MRPS27: variants seen among roughly 807,000 people sequenced by gnomAD.
MRPS27 encodes the protein mitochondrial ribosomal protein S27, also known as small ribosomal subunit protein mS27.
A neutral mutation model predicts 48.9 loss-of-function variants in MRPS27; 43 were observed. The ratio of observed to expected loss-of-function variants is 0.88; its 90% CI spans 0.69 to 1.13. The LOEUF (loss-of-function observed/expected upper bound fraction) is 1.13, where lower values mean the gene tolerates loss of function less well. Ranked by LOEUF, MRPS27 falls within the 50% of genes most tolerant of loss-of-function variation. The pLI, the probability that MRPS27 is intolerant of heterozygous loss-of-function variation, is 0.00. For missense variants in MRPS27, 467 were observed against 476.3 expected (o/e 0.98, Z 0.18); for synonymous variants, 188 against 171.9 (o/e 1.09, Z -0.73).
At chr5:72,293,932 C>T (rs996271404) in intron 4 of MRPS27, among the ~76,000 whole-genome samples, 8 of 152,128 alleles carry the variant, frequency 5.3e-5, no homozygotes, top group African/African-American at 1.7e-4. Flanking sequence ...GCCCTACAGT[C>T]CCAAAGAGCC....
At chr5:72,229,797 G>C (rs1358687583) in intron 7 of MRPS27, among the ~76,000 whole-genome samples, 1 of 152,162 alleles carries the variant, frequency 6.6e-6, no homozygotes, top group African/African-American at 2.4e-5. Context: ...TCATTGTCTG[G>C]GGCTGCTGGA....
chr5:72,278,580 A>G (rs1749445970), intron 4 of MRPS27, among the ~76,000 whole-genome samples: 1 of 152,038 alleles, frequency 6.6e-6, no homozygotes, highest in South Asian at 2.1e-4. Flanking sequence ...CTGCTTCTTC[A>G]TAGGTAGATA....
intron 4 of MRPS27, among the ~76,000 whole-genome samples, chr5:72,283,332 G>A (rs12189320): frequency 2.7e-3 from 408 of 152,164 alleles, no homozygotes; most frequent in Non-Finnish European, 3.6e-3. Flanking sequence ...ACACTGTTAG[G>A]AGGTTTCAAA....
intron 3 of MRPS27, among the ~76,000 whole-genome samples, chr5:72,296,819 TAA>T (rs57084920): frequency 0.063 from 9,629 of 152,264 alleles, 547 homozygotes; most frequent in African/African-American, 0.15. Context: ...TTAATTTCTG[TAA>T]AAAGTTTTCA....
chr5:72,257,346 C>T (rs532265424), intron 4 of MRPS27, among the ~76,000 whole-genome samples: 2 of 152,264 alleles, frequency 1.3e-5, no homozygotes, highest in South Asian at 4.2e-4. Flanking sequence ...ACCACAAGTG[C>T]TCAGATTATT....
At chr5:72,271,035 A>G (rs997451921) in intron 4 of MRPS27, among the ~76,000 whole-genome samples, 1 of 152,190 alleles carries the variant, frequency 6.6e-6, no homozygotes, top group African/African-American at 2.4e-5. Flanking sequence ...TAACATCGTT[A>G]ATGGTGAAAT....
intron 1 of MRPS27, among the ~76,000 whole-genome samples, chr5:72,318,838 C>T (rs1750645145): frequency 6.7e-6 from 1 of 149,958 alleles, no homozygotes; most frequent in Admixed American, 6.6e-5. Flanking sequence ...AGACAGGTCT[C>T]CCAAAATGCC....
intron 10 of MRPS27, among the ~76,000 whole-genome samples, chr5:72,222,947 C>T (rs556010477): frequency 1.2e-4 from 18 of 152,328 alleles, no homozygotes; most frequent in Admixed American, 3.9e-4. Flanking sequence ...CAAAATGACA[C>T]AAGTTACACA....
At chr5:72,303,333 T>C (rs1750172091) in intron 2 of MRPS27, among the ~76,000 whole-genome samples, 1 of 152,090 alleles carries the variant, frequency 6.6e-6, no homozygotes, top group African/African-American at 2.4e-5. Context: ...ATGAATAAGT[T>C]AAAAAGCAGG....
chr5:72,289,670 G>C (rs1749768348), intron 4 of MRPS27, among the ~76,000 whole-genome samples: 1 of 152,022 alleles, frequency 6.6e-6, no homozygotes, highest in South Asian at 2.1e-4. Context: ...CAATCCGTCT[G>C]CCCCAAGTGC....
intron 4 of MRPS27, among the ~76,000 whole-genome samples, chr5:72,255,029 C>CTTTTT (rs70999273): frequency 0.012 from 830 of 72,134 alleles, 3 homozygotes; most frequent in Non-Finnish European, 0.019. Flanking sequence ...CATTTCTTTT[C>CTTTTT]TTTTTTTTTT....
chr5:72,295,786 T>A (rs531360489), intron 3 of MRPS27, among the ~76,000 whole-genome samples, 197 bp from the exon 4 acceptor site: 1 of 152,304 alleles, frequency 6.6e-6, no homozygotes, highest in East Asian at 1.9e-4. Flanking sequence ...ACAAAGAATA[T>A]ACAATGGCTT....
intron 3 of MRPS27, among the ~76,000 whole-genome samples, chr5:72,296,563 A>T (rs1437931995): frequency 1.3e-5 from 2 of 152,182 alleles, no homozygotes; most frequent in Non-Finnish European, 2.9e-5. Flanking sequence ...GTAAACCTTG[A>T]AGTACTACCT....
Position 72,320,190 on chromosome 5 carries a change from A to G in MRPS27, c.32T>C (p.Leu11Pro), listed in dbSNP as rs771479802. 3 of 1,613,996 alleles carry G rather than the reference A, an allele frequency of 1.9e-6. No homozygotes were observed. The highest frequency in any genetic ancestry group is 4.5e-5 in the East Asian group (2 of 44,866). Residue 11 changes from leucine to proline, a missense_variant, in exon 1 of 11, where the codon CTC (leucine) becomes CCC (proline). By Grantham distance (98) the Leu-to-Pro change is moderately conservative. Transcript: ENST00000261413. ...AGGAAGAACCACTTGCCGCGCCAGG[A>G]GCATCCCGCGCCGCACTATGGAGGC... MAASIVRRGMLLARQVVLPQL... is the reference protein window; with the variant it reads MAASIVRRGMPLARQVVLPQL...
intron 4 of MRPS27, among the ~76,000 whole-genome samples, chr5:72,273,329 AT>A (rs1413559654): frequency 1.3e-5 from 2 of 152,254 alleles, no homozygotes; most frequent in Non-Finnish European, 2.9e-5. Context: ...TTTTTAACAA[AT>A]GTGAAAACTG....
At chr5:72,262,793 T>C (rs1749018061) in intron 4 of MRPS27, among the ~76,000 whole-genome samples, 1 of 152,012 alleles carries the variant, frequency 6.6e-6, no homozygotes, top group African/African-American at 2.4e-5. Context: ...ATTTTAGAGA[T>C]AGGGTCTTGC....
intron 7 of MRPS27, among the ~76,000 whole-genome samples, chr5:72,230,328 C>G (rs1469162502): frequency 6.6e-6 from 1 of 152,200 alleles, no homozygotes; most frequent in Non-Finnish European, 1.5e-5. Context: ...CTCCCAACTT[C>G]CCCGCTTTAT....
chr5:72,294,476 G>A (rs1186791029), intron 4 of MRPS27: 1 of 152,228 alleles, frequency 6.6e-6, no homozygotes, highest in South Asian at 2.1e-4. Flanking sequence ...ATAGGAACTG[G>A]AACAAATCAC....
chr5:72,225,385 C>A (rs1747864321), intron 9 of MRPS27, among the ~76,000 whole-genome samples: 1 of 152,180 alleles, frequency 6.6e-6, no homozygotes, highest in African/African-American at 2.4e-5. Context: ...TCAGGACTCA[C>A]ACTGGCTGTA....
Sources: allele counts gnomAD v4.1 joint callset (sites outside exome capture counted in the v4.1 genomes callset), GRCh38; gene constraint gnomAD v4.1.1; transcripts MANE v1.5; gene names NCBI Gene and HGNC (gene_info 2026-07-23, HGNC 2026-07-21).